NKAIN3: variants seen among roughly 807,000 people sequenced by gnomAD.
The protein encoded by NKAIN3 is sodium/potassium transporting ATPase interacting 3.
Under a neutral mutation model 30.2 loss-of-function variants are expected in NKAIN3, and 25 were observed. The observed-to-expected ratio is 0.83, with a 90% CI of 0.60 to 1.16. NKAIN3 has a LOEUF of 1.16. Among genes scored for constraint, NKAIN3 ranks in the 50% most tolerant of loss-of-function variants. The probability of loss-of-function intolerance (pLI) is 0.00; values close to 1 mark genes in which losing one functional copy is unlikely to be tolerated. For missense variants in NKAIN3, 225 were observed against 254.1 expected, an observed-to-expected ratio of 0.89 and a Z score of 0.78; for synonymous variants, 91 against 89.6, an observed-to-expected ratio of 1.02 and a Z score of -0.09.
At chr8:62,864,415 G>C (rs1471146315) in intron 4 of NKAIN3, among the ~76,000 whole-genome samples, 2 of 152,142 alleles carry the variant, frequency 1.3e-5, no homozygotes, top group Non-Finnish European at 2.9e-5. Flanking sequence ...TCTTGAAAAT[G>C]GCCCATTCTT....
At chr8:62,959,825 G>A (rs923538512) in intron 6 of NKAIN3, among the ~76,000 whole-genome samples, 4 of 152,118 alleles carry the variant, frequency 2.6e-5, no homozygotes, top group African/African-American at 9.7e-5. Context: ...TTCATGAGGC[G>A]TTAACTTTCC....
chr8:62,330,227 G>T (rs773659116), intron 1 of NKAIN3, among the ~76,000 whole-genome samples: 4 of 151,928 alleles, frequency 2.6e-5, no homozygotes, highest in African/African-American at 4.8e-5. Context: ...AATGAGGATG[G>T]GGGGGTGAGC....
At chr8:62,475,775 G>T (rs1432370920) in intron 1 of NKAIN3, among the ~76,000 whole-genome samples, 5 of 152,154 alleles carry the variant, frequency 3.3e-5, no homozygotes, top group Non-Finnish European at 5.9e-5. Context: ...GGGGCCCTTG[G>T]AAACTCATGT....
At chr8:62,634,786 A>G (rs1812074103) in intron 3 of NKAIN3, among the ~76,000 whole-genome samples, 1 of 152,126 alleles carries the variant, frequency 6.6e-6, no homozygotes, top group African/African-American at 2.4e-5. Context: ...GAGTGAATGG[A>G]GTTACTTGTA....
At chr8:62,750,813 G>C (rs974575899) in intron 4 of NKAIN3, among the ~76,000 whole-genome samples, 1 of 152,128 alleles carries the variant, frequency 6.6e-6, no homozygotes, top group African/African-American at 2.4e-5. Context: ...TGCTGGAGTG[G>C]AGAAGTCAAA....
intron 4 of NKAIN3, among the ~76,000 whole-genome samples, chr8:62,763,126 C>T (rs574914510): frequency 3.5e-5 from 5 of 143,680 alleles, no homozygotes; most frequent in African/African-American, 1.3e-4. Context: ...GAGGCTAAGG[C>T]AGGAGAATGG....
chr8:62,281,046 T>C (rs879126883), intron 1 of NKAIN3, among the ~76,000 whole-genome samples: 1 of 152,226 alleles, frequency 6.6e-6, no homozygotes, highest in Non-Finnish European at 1.5e-5. Context: ...TTGCCTCAAT[T>C]TGAGAACCTG....
In NKAIN3 at chr8:62,249,057, C is replaced by G. The variant is rs1171963374; in HGVS notation, c.-17C>G. Reference sequence around the variant, plus strand: ...AGGATCTCTGGCAGTCAGCGCCGCTCGGACGCCGCCGGCACCATGGGCTGC... The same window carrying G: ...AGGATCTCTGGCAGTCAGCGCCGCTGGGACGCCGCCGGCACCATGGGCTGC... On this transcript the variant is annotated 5_prime_UTR_variant, in exon 1 of 7. Transcript: ENST00000623646. 1 of 1,533,662 alleles carries G rather than the reference C, an allele frequency of 6.5e-7. No individual in the cohort carries two copies. Among genetic ancestry groups the G allele is most frequent in the African/African-American group, 1.4e-5 (1 of 71,058 alleles).
intron 5 of NKAIN3, among the ~76,000 whole-genome samples, chr8:62,922,339 G>A (rs567599518): frequency 3.3e-5 from 5 of 152,208 alleles, no homozygotes; most frequent in African/African-American, 7.2e-5. Flanking sequence ...GCATTGGTGT[G>A]AGCTGAAAAC....
intron 1 of NKAIN3, among the ~76,000 whole-genome samples, chr8:62,328,959 T>C (rs777402896): frequency 6.6e-6 from 1 of 152,006 alleles, no homozygotes; most frequent in Non-Finnish European, 1.5e-5. Context: ...CCAAGATAGG[T>C]AGTAAAAGAT....
chr8:62,369,222 GT>G (rs1320564667), intron 1 of NKAIN3, among the ~76,000 whole-genome samples: 2 of 151,966 alleles, frequency 1.3e-5, no homozygotes, highest in Non-Finnish European at 2.9e-5. Flanking sequence ...TTTTTCTGTT[GT>G]TTTTGTGGCA....
At chr8:62,691,496 G>A (rs1813965029) in intron 3 of NKAIN3, among the ~76,000 whole-genome samples, 1 of 152,196 alleles carries the variant, frequency 6.6e-6, no homozygotes, top group Non-Finnish European at 1.5e-5. Context: ...ATTTCCAGTT[G>A]TCTCAAGATT....
At chr8:62,487,431 A>G (rs1453268058) in intron 1 of NKAIN3, among the ~76,000 whole-genome samples, 2 of 152,204 alleles carry the variant, frequency 1.3e-5, no homozygotes, top group Non-Finnish European at 2.9e-5. Flanking sequence ...AGATAAGGGC[A>G]ATATGGACAA....
chr8:62,669,398 T>A (rs1056658255), intron 3 of NKAIN3, among the ~76,000 whole-genome samples: 1 of 152,158 alleles, frequency 6.6e-6, no homozygotes, highest in Non-Finnish European at 1.5e-5. Flanking sequence ...AAATTACATC[T>A]TCATGGCACA....
chr8:62,768,095 A>G (rs1417514752), intron 4 of NKAIN3, among the ~76,000 whole-genome samples: 2 of 152,010 alleles, frequency 1.3e-5, no homozygotes, highest in Non-Finnish European at 2.9e-5. Flanking sequence ...AAATGCAGCT[A>G]ATTAACCCTC....
intron 4 of NKAIN3, among the ~76,000 whole-genome samples, chr8:62,879,715 G>C (rs1411830867): frequency 6.6e-6 from 1 of 152,154 alleles, no homozygotes; most frequent in Non-Finnish European, 1.5e-5. Context: ...CAGAGGGACT[G>C]TTCCCCAGGA....
chr8:62,697,748 C>T (rs1371677233), intron 3 of NKAIN3, among the ~76,000 whole-genome samples: 4 of 152,180 alleles, frequency 2.6e-5, no homozygotes, highest in African/African-American at 7.2e-5. Context: ...TGAACTAATA[C>T]TCATTAACTA....
intron 1 of NKAIN3, among the ~76,000 whole-genome samples, chr8:62,380,963 G>A (rs1424306206): frequency 2.0e-5 from 3 of 152,074 alleles, no homozygotes; most frequent in Non-Finnish European, 4.4e-5. Context: ...CACAAATGGG[G>A]ACTTTATAAT....
Position 62,255,062 on chromosome 8 carries a change from A to T in NKAIN3, c.54+5935A>T, listed in dbSNP as rs569317474. Reference sequence around the variant, plus strand: ...AAGTCCTAACTCCCCATACCTCAGAATGTGATTTTATTTGGAAATGTGGTT... The same window carrying T: ...AAGTCCTAACTCCCCATACCTCAGATTGTGATTTTATTTGGAAATGTGGTT... On this transcript the variant is annotated intron_variant, in intron 1 of 6. Transcript: ENST00000623646. Among the ~76,000 whole-genome samples the T allele has an allele frequency of 4.6e-5, 7 of 152,270 alleles. No homozygotes were observed. The East Asian group carries it at 1.4e-3, about 29-fold the overall frequency.
Sources: allele counts gnomAD v4.1 joint callset (sites outside exome capture counted in the v4.1 genomes callset), GRCh38; gene constraint gnomAD v4.1.1; transcripts MANE v1.5; gene names NCBI Gene and HGNC (gene_info 2026-07-23, HGNC 2026-07-21).